The following ARNT2 variants were observed in gnomAD, a reference collection of about 807,000 sequenced individuals.
ARNT2 encodes ARNT protein 2.
In ARNT2, 36 loss-of-function variants were observed where a neutral mutation model predicts 91.7. That is an observed-to-expected ratio of 0.39 (90% confidence interval 0.30 to 0.52). The LOEUF is 0.52. Ranked by LOEUF, ARNT2 falls within the 20% of genes least tolerant of loss-of-function variation. The pLI, the probability that ARNT2 is intolerant of heterozygous loss-of-function variation, is 0.72. For missense variants in ARNT2, 775 were observed against 939.3 expected (o/e 0.83, Z 2.29); for synonymous variants, 365 against 347.1 (o/e 1.05, Z -0.57).
chr15:80,482,700 A>G (rs762086624), intron 5 of ARNT2, among the ~76,000 whole-genome samples: 6 of 152,180 alleles, frequency 3.9e-5, no homozygotes, highest in Admixed American at 6.6e-5. Flanking sequence ...GCTCGGATGC[A>G]GGGGTCTCTA....
intron 4 of ARNT2, among the ~76,000 whole-genome samples, chr15:80,471,174 A>G (rs1896726586): frequency 6.6e-6 from 1 of 152,244 alleles, no homozygotes; most frequent in African/African-American, 2.4e-5. Context: ...TGGTACATAT[A>G]CACCATAGAA....
intron 5 of ARNT2, among the ~76,000 whole-genome samples, chr15:80,498,627 T>A (rs115931645): frequency 0.02 from 3,075 of 151,896 alleles, 94 homozygotes; most frequent in African/African-American, 0.07. Flanking sequence ...TTCCCCCGAG[T>A]CTCCCAGGAA....
chr15:80,499,851 A>T (rs1304462213), intron 5 of ARNT2, among the ~76,000 whole-genome samples: 1 of 152,206 alleles, frequency 6.6e-6, no homozygotes, highest in East Asian at 1.9e-4. Flanking sequence ...AAGGATTAGT[A>T]TGAGAGCTAT....
At chr15:80,424,967 G>T (rs1895912912) in intron 1 of ARNT2, among the ~76,000 whole-genome samples, 1 of 152,048 alleles carries the variant, frequency 6.6e-6, no homozygotes, top group African/African-American at 2.4e-5. Context: ...TCCTTTTTTT[G>T]TAGCAAAAGG....
At chr15:80,581,131 C>T in intron 16 of ARNT2, 108 bp from the exon 17 acceptor site, 1 of 1,361,550 alleles carries the variant, frequency 7.3e-7, no homozygotes. Flanking sequence ...TGGGGAGTCA[C>T]TGTCAACCCA....
intron 5 of ARNT2, among the ~76,000 whole-genome samples, chr15:80,482,561 C>A (rs1896906626): frequency 6.6e-6 from 1 of 152,188 alleles, no homozygotes; most frequent in Non-Finnish European, 1.5e-5. Flanking sequence ...AAGCTTATTG[C>A]CTTTGGGGCA....
intron 8 of ARNT2, among the ~76,000 whole-genome samples, chr15:80,524,211 C>G (rs904454821): frequency 1.3e-5 from 2 of 152,126 alleles, no homozygotes; most frequent in African/African-American, 4.8e-5. Context: ...GTTACCATCT[C>G]TTACCTATCA....
At chr15:80,420,427 C>T (rs1214561745) in intron 1 of ARNT2, among the ~76,000 whole-genome samples, 1 of 152,088 alleles carries the variant, frequency 6.6e-6, no homozygotes, top group Non-Finnish European at 1.5e-5. Flanking sequence ...TGGATATATA[C>T]TGAAAGTGTT....
intron 11 of ARNT2, among the ~76,000 whole-genome samples, chr15:80,561,803 A>G (rs974464167): frequency 2.0e-5 from 3 of 152,198 alleles, no homozygotes; most frequent in Admixed American, 2.0e-4. Context: ...TAAGACTTGC[A>G]TTCAAGTAGC....
intron 11 of ARNT2, among the ~76,000 whole-genome samples, chr15:80,560,670 T>G (rs1468714036): frequency 6.6e-6 from 1 of 152,212 alleles, no homozygotes; most frequent in Non-Finnish European, 1.5e-5. Flanking sequence ...TTTCAAAACG[T>G]GGACAGTGAC....
intron 1 of ARNT2, among the ~76,000 whole-genome samples, chr15:80,406,951 G>A (rs1477903909): frequency 6.6e-6 from 1 of 152,142 alleles, no homozygotes; most frequent in African/African-American, 2.4e-5. Flanking sequence ...ACATGGCTCA[G>A]GGTTTGAGCC....
chr15:80,448,201 A>G (rs1896333694), intron 1 of ARNT2, among the ~76,000 whole-genome samples: 1 of 152,208 alleles, frequency 6.6e-6, no homozygotes, highest in Admixed American at 6.5e-5. Flanking sequence ...CCCGTCACTC[A>G]TAGCTGGGAG....
intron 5 of ARNT2, among the ~76,000 whole-genome samples, chr15:80,501,924 A>T (rs1326021369): frequency 6.6e-6 from 1 of 152,170 alleles, no homozygotes; most frequent in Non-Finnish European, 1.5e-5. Context: ...CGTAATTACT[A>T]ATTTATCAGC....
At chr15:80,408,994 C>T (rs1467738523) in intron 1 of ARNT2, among the ~76,000 whole-genome samples, 1 of 152,150 alleles carries the variant, frequency 6.6e-6, no homozygotes, top group Non-Finnish European at 1.5e-5. Context: ...CCTGCCCCCA[C>T]ACATGCACAA....
At chr15:80,519,242 C>T (rs148503824) in intron 8 of ARNT2, among the ~76,000 whole-genome samples, 6 of 152,102 alleles carry the variant, frequency 3.9e-5, no homozygotes, top group African/African-American at 7.2e-5. Context: ...CTGGGAGATA[C>T]GTATATGCCT....
chr15:80,571,927 T>C (rs1490418011), intron 12 of ARNT2, among the ~76,000 whole-genome samples: 1 of 152,104 alleles, frequency 6.6e-6, no homozygotes, highest in Non-Finnish European at 1.5e-5. Flanking sequence ...AACTTTAATA[T>C]GGGGGTGAAG....
intron 11 of ARNT2, chr15:80,555,668 G>A (rs949433881): frequency 4.6e-5 from 7 of 152,892 alleles, no homozygotes; most frequent in African/African-American, 1.7e-4. Context: ...TCTCTCCTCA[G>A]TCATTTAAAG....
At chr15:80,481,643 G>T (rs1896891734) in intron 5 of ARNT2, among the ~76,000 whole-genome samples, 1 of 152,106 alleles carries the variant, frequency 6.6e-6, no homozygotes. Context: ...AGCCCAAGAG[G>T]TCCAGGTTGC....
intron 13 of ARNT2, 57 bp from the exon 14 acceptor site, chr15:80,574,930 G>A (rs946420615): frequency 1.6e-5 from 25 of 1,581,388 alleles, no homozygotes; most frequent in Middle Eastern, 1.8e-4. Flanking sequence ...TCCTGGGGAC[G>A]CATGTTCTGT....
Sources: gnomAD v4.1 joint callset for allele counts (sites outside exome capture counted in the v4.1 genomes callset) on GRCh38, gnomAD v4.1.1 for gene constraint, MANE v1.5 for transcripts, NCBI Gene and HGNC (gene_info 2026-07-23, HGNC 2026-07-21) for gene names.